MYH6: variants seen among roughly 807,000 people sequenced by gnomAD.
The protein encoded by MYH6 is myosin-6.
A neutral mutation model predicts 223.2 loss-of-function variants in MYH6; 126 were observed. The observed-to-expected ratio is 0.56, with a 90% CI of 0.49 to 0.65. The LOEUF is 0.65. MYH6 is among the 30% of genes least tolerant of loss of function. The pLI is 0.00. For synonymous variants in MYH6, 978 were observed against 1,010.2 expected, an observed-to-expected ratio of 0.97 and a Z score of 0.61; for missense variants, 2,040 against 2,536.4, an observed-to-expected ratio of 0.80 and a Z score of 4.20.
intron 38 of MYH6, 68 bp downstream of exon 38, chr14:23,382,360 G>T: frequency 6.2e-7 from 1 of 1,606,774 alleles, no homozygotes. Flanking sequence ...TGCCCACTCT[G>T]AAGGGCACCC....
At position 23,394,318 on chromosome 14, in the gene MYH6, GCATCC is replaced by G; in HGVS notation, c.2430_2434del (p.Arg810SerfsTer77). The G allele has an allele frequency of 6.2e-7, 1 of 1,614,150 alleles. No homozygotes were observed. The highest frequency in any genetic ancestry group is 8.5e-7 in the Non-Finnish European group (1 of 1,180,028). On this transcript the variant is annotated frameshift_variant and splice_region_variant, in exon 21 of 39. Coordinates refer to ENST00000405093, the MANE Select transcript of MYH6 (RefSeq NM_002471.4). LOFTEE classifies it high-confidence loss of function. ...AATGTTCCACTGGATTACCAGCAGG[GCATCC>G]CTGGCAAGGAAACGTGGAGGCAGGG... is the stretch of plus-strand genomic sequence containing the variant.
rs750888671 is a variant in MYH6 at position 23,385,992 on chromosome 14, G to A, written c.5099C>T (p.Ser1700Phe). The change falls in exon 34 of 39, where the codon TCC (serine) becomes TTC (phenylalanine). Residue 1700 changes from serine (S) to phenylalanine (F), a missense_variant. Physicochemically the swap from Ser to Phe is radical, Grantham distance 155 (BLOSUM62 -2). Transcript: ENST00000405093. ...LRAVVEQTERSRKLAEQELIE... is the reference protein window; with the variant it reads ...LRAVVEQTERFRKLAEQELIE... ...CAGCTCCTGCTCCGCCAGCTTCCGG[G>A]ACCGCTCTGTCTGCTCCACCACGGC... 5 of 1,614,086 alleles carry A rather than the reference G, an allele frequency of 3.1e-6. No homozygotes were observed. The highest frequency in any genetic ancestry group is 4.2e-6 in the Non-Finnish European group (5 of 1,180,052).
At chr14:23,406,915 G>T in intron 3 of MYH6, 108 bp downstream of exon 3, 1 of 1,212,712 alleles carries the variant, frequency 8.2e-7, no homozygotes, top group Non-Finnish European at 1.2e-6. Context: ...ATCCCCACTG[G>T]CCTTGGCTTT....
chr14:23,382,380 G>C, intron 38 of MYH6, 48 bp downstream of exon 38: 1 of 1,612,378 alleles, frequency 6.2e-7, no homozygotes, highest in Non-Finnish European at 8.5e-7. Context: ...CATATCAGGG[G>C]GCATGCTAAT....
chr14:23,400,172 G>C, intron 14 of MYH6, 84 bp downstream of exon 14: 1 of 1,603,726 alleles, frequency 6.2e-7, no homozygotes, highest in Non-Finnish European at 8.5e-7. Flanking sequence ...TGGGACTCTA[G>C]TTTCTTGGGT....
rs1439963430 is a variant in MYH6 at position 23,407,101 on chromosome 14, A to T, written c.123T>A (p.Asp41Glu). 5 of 1,614,094 alleles carry T rather than the reference A, an allele frequency of 3.1e-6. No homozygotes were observed. Among genetic ancestry groups the T allele is most frequent in the Non-Finnish European group, 4.2e-6 (5 of 1,180,040 alleles). The part of the protein sequence containing the change: ...FDIRTECFVP[D>E]DKEEFVKAKI... The stretch of plus-strand genomic sequence containing the variant: ...TGGCTTTGACAAACTCTTCCTTGTC[A>T]TCGGGCACGAAGCACTCAGTGCGAA... Residue 41 changes from aspartate (D) to glutamate (E), a missense_variant, in exon 3 of 39, where the codon GAT becomes GAA. Asp to Glu is a conservative substitution (Grantham distance 45, BLOSUM62 2). Transcript: ENST00000405093. This position sits in a 1 kb window ranked among gnomAD's most constrained non-coding sequence, Gnocchi z 5.6.
In MYH6 at chr14:23,397,277, G is replaced by A. The variant is rs1449197755; in HGVS notation, c.1963-20C>T. 6.2e-7 allele frequency: 1 copy of A among 1,610,714 alleles called. No homozygotes were observed. Among genetic ancestry groups the A allele is most frequent in the Non-Finnish European group, 8.5e-7 (1 of 1,176,978 alleles). On this transcript the variant is annotated intron_variant, in intron 16 of 38. Transcript: ENST00000405093. The stretch of plus-strand genomic sequence containing the variant: ...ATTTTCCTGGAGGCAGATGAAGGTG[G>A]GGAGTTAGGAGCCACAAGGACCATC...
chr14:23,382,427 C>T lies in MYH6; in HGVS notation c.5796+1G>A, dbSNP rs1039061921. 1 of 1,614,136 alleles carries T rather than the reference C, an allele frequency of 6.2e-7. No individual in the cohort carries two copies. The highest frequency in any genetic ancestry group is 1.1e-5 in the South Asian group (1 of 91,086). Reference sequence around the variant, plus strand: ...TAGTGAAGCCCAGGGGAGGGACCCACCTTGGCACCAATGTCACGGCTCTTG... The same window carrying T: ...TAGTGAAGCCCAGGGGAGGGACCCATCTTGGCACCAATGTCACGGCTCTTG... On this transcript the variant is annotated splice_donor_variant, in intron 38 of 38. Transcript: ENST00000405093. LOFTEE classifies it high-confidence loss of function.
At chr14:23,402,324 G>T in intron 12 of MYH6, 140 bp downstream of exon 12, 2 of 1,314,800 alleles carry the variant, frequency 1.5e-6, no homozygotes, top group Non-Finnish European at 2.1e-6. Flanking sequence ...GTCTGCCCAC[G>T]TCTCCCACGT....
chr14:23,390,423 C>A lies in MYH6; in HGVS notation c.3366G>T (p.Glu1122Asp), dbSNP rs1427532095. Reference sequence around the variant, plus strand: ...TGGCGGTGCGCTCGGCCTCCAGCTCCTCCTCCAGCTCCTCGATGCGTGCCT... The same window carrying A: ...TGGCGGTGCGCTCGGCCTCCAGCTCATCCTCCAGCTCCTCGATGCGTGCCT... ...ENQARIEELE[E>D]ELEAERTARA... The change falls in exon 26 of 39, where the codon GAG becomes GAT. Residue 1122 changes from glutamate (E) to aspartate (D), a missense_variant. Coordinates refer to ENST00000405093, the MANE Select transcript of MYH6 (RefSeq NM_002471.4). 6.2e-7 allele frequency: 1 copy of A among 1,612,366 alleles called. No homozygotes were observed.
Position 23,387,644 on chromosome 14 carries a change from G to C in MYH6, c.4535C>G (p.Ser1512Trp). Residue 1512 changes from serine (S) to tryptophan (W), a missense_variant, in exon 32 of 39, where the codon TCG (serine) becomes TGG (tryptophan). Around this residue, in one of 4 missense-constraint regions of MYH6, gnomAD observed 1,203 missense variants for 1,400.2 expected, o/e 0.86. Transcript: ENST00000405093. ...RENKNLQEEI[S>W]DLTEQLGEGG... Reference sequence around the variant, plus strand: ...TTCTCCTAGCTGCTCAGTAAGGTCCGAGATTTCCTCTGGGGACCAGAGGGC... The same window carrying C: ...TTCTCCTAGCTGCTCAGTAAGGTCCCAGATTTCCTCTGGGGACCAGAGGGC... 6.2e-7 allele frequency: 1 copy of C among 1,614,056 alleles called. No homozygotes were observed. The highest frequency in any genetic ancestry group is 8.5e-7 in the Non-Finnish European group (1 of 1,180,012).
At position 23,393,816 on chromosome 14, in the gene MYH6, C is replaced by T. The variant is rs1891312704; in HGVS notation, c.2778G>A (p.Glu926=). The T allele has an allele frequency of 6.2e-7, 1 of 1,614,242 alleles. No homozygotes were observed. Residue 926 remains glutamate, a synonymous_variant, in exon 22 of 39, where the codon GAG becomes GAA. Transcript: ENST00000405093. ...QLEAKVKEMN[E]RLEDEEEMNA... ...TCATCTCCTCCTCATCCTCCAGCCT[C>T]TCATTCATCTCCTTTACTTTGGCCT...
intron 38 of MYH6, 139 bp downstream of exon 38, chr14:23,382,289 T>A (rs1043212952): frequency 2.2e-6 from 3 of 1,356,866 alleles, no homozygotes; most frequent in Admixed American, 3.5e-5. Context: ...AGCAGGAGAG[T>A]GGATTCTCAG....
At position 23,384,458 on chromosome 14, in the gene MYH6, T is replaced by C. The variant is rs887453569; in HGVS notation, c.5549A>G (p.Lys1850Arg). 28 of 1,611,272 alleles carry C rather than the reference T, an allele frequency of 1.7e-5. No homozygotes were observed. Among genetic ancestry groups the C allele is most frequent in the African/African-American group, 2.7e-5 (2 of 74,940 alleles). ...CCGCCGCACCTGGTAGGTGAGCTCC[T>C]TGATGCGCCGCTCGCTCTTCCTCAT... ...KGMRKSERRI[K>R]ELTYQTEEDK... The change falls in exon 36 of 39, where the codon AAG (lysine) becomes AGG (arginine). Residue 1850 changes from lysine to arginine, a missense_variant. Physicochemically the swap from Lys to Arg is conservative, Grantham distance 26. Transcript: ENST00000405093.
rs561957362 is a variant in MYH6 at position 23,402,405 on chromosome 14, C to G, written c.1141+59G>C. The G allele has an allele frequency of 7.5e-6, 12 of 1,607,202 alleles. No homozygotes were observed. The Admixed American group carries it at 1.8e-4, about 25-fold the overall frequency. On this transcript the variant is annotated intron_variant, in intron 12 of 38. Transcript: ENST00000405093. Reference sequence around the variant, plus strand: ...CTCAGAGTCTCTGGGATCTGAGTCCCGCAGAGAGCCTGGTCAGCACCTCAG... The same window carrying G: ...CTCAGAGTCTCTGGGATCTGAGTCCGGCAGAGAGCCTGGTCAGCACCTCAG...
rs768032525 is a variant in MYH6, at chr14:23,388,331, G to A, written c.4183C>T (p.Leu1395=). 1.2e-6 allele frequency: 2 copies of A among 1,612,946 alleles called. No homozygotes were observed. The highest frequency in any genetic ancestry group is 1.7e-6 in the Non-Finnish European group (2 of 1,180,028). ...TEELEEAKKK[L]AQRLQDAEEA... ...TCGGCATCCTGCAGCCGCTGGGCCA[G>A]CTTCTTTCTGCCCAGGTGAGGGTGG... Residue 1395 remains leucine, a synonymous_variant, in exon 30 of 39, where the codon CTG becomes TTG. Coordinates refer to ENST00000405093, the MANE Select transcript of MYH6 (RefSeq NM_002471.4).
At chr14:23,399,097 G>C in intron 14 of MYH6, 60 bp from the exon 15 acceptor site, 1 of 1,593,576 alleles carries the variant, frequency 6.3e-7, no homozygotes, top group Non-Finnish European at 8.6e-7. Flanking sequence ...GGCTTCCACA[G>C]TCCCATACCC....
At position 23,402,445 on chromosome 14, in the gene MYH6, G is replaced by A. The variant is rs1444811127; in HGVS notation, c.1141+19C>T. The A allele has an allele frequency of 1.2e-6, 2 of 1,611,892 alleles. No homozygotes were observed. Among genetic ancestry groups the A allele is most frequent in the Non-Finnish European group, 1.7e-6 (2 of 1,179,942 alleles). On this transcript the variant is annotated intron_variant, in intron 12 of 38. Coordinates refer to ENST00000405093, the MANE Select transcript of MYH6 (RefSeq NM_002471.4). Reference sequence around the variant, plus strand: ...CAGCACCTCAGGCCTTCCCAGGGCTGCCTGCCTGCCCCTCCCACCTTCGGT... The same window carrying A: ...CAGCACCTCAGGCCTTCCCAGGGCTACCTGCCTGCCCCTCCCACCTTCGGT...
chr14:23,407,131 A>G lies in MYH6; in HGVS notation c.93T>C (p.Phe31=), dbSNP rs200657398. 1.2e-6 allele frequency: 2 copies of G among 1,614,230 alleles called. No homozygotes were observed. The highest frequency in any genetic ancestry group is 1.7e-5 in the Admixed American group (1 of 60,020). Residue 31 remains phenylalanine, a synonymous_variant, in exon 3 of 39, where the codon TTT becomes TTC. Transcript: ENST00000405093. The surrounding 1 kb of genome is among the most constrained non-coding windows in gnomAD (Gnocchi z 5.6). ...KERLEAQTRP[F]DIRTECFVPD... is the part of the protein sequence containing the mutation. The stretch of plus-strand genomic sequence containing the variant: ...GCACGAAGCACTCAGTGCGAATGTC[A>G]AAGGGCCGGGTCTGGGCCTCTAGAC...
Sources: gnomAD v4.1 joint callset for allele counts on GRCh38, gnomAD v4.1.1 for gene constraint, gnomAD v4.1.1 regional missense constraint, Gnocchi (gnomAD v3.1) non-coding constraint, MANE v1.5 for transcripts, NCBI Gene and HGNC (gene_info 2026-07-23, HGNC 2026-07-21) for gene names.